PGBD2: variants seen among roughly 807,000 people sequenced by gnomAD.
PGBD2 encodes piggyBac transposable element-derived protein 2.
A neutral mutation model predicts 8.1 loss-of-function variants in PGBD2; 6 were observed. The observed-to-expected ratio is 0.74, with a 90% confidence interval of 0.40 to 1.46. The LOEUF is 1.46. Among genes scored for constraint, PGBD2 ranks in the 40% most tolerant of loss-of-function variants. The probability of loss-of-function intolerance (pLI) is 0.02; values close to 1 mark genes in which losing one functional copy is unlikely to be tolerated. For synonymous variants in PGBD2, 318 were observed against 272.2 expected, an observed-to-expected ratio of 1.17 and a Z score of -1.66; for missense variants, 802 against 739.0, an observed-to-expected ratio of 1.09 and a Z score of -0.99.
the PGBD2 span, among the ~76,000 whole-genome samples, chr1:248,898,338 GT>G: frequency 5.3e-5 from 8 of 152,188 alleles, no homozygotes; most frequent in African/African-American, 1.7e-4. Context: ...CTTGAATCAG[GT>G]CAATGTTCCT....
At chr1:248,904,066 C>CT (rs1201521447), upstream of PGBD2, among the ~76,000 whole-genome samples, 5 of 138,104 alleles carry the variant, frequency 3.6e-5, no homozygotes, top group African/African-American at 1.8e-4. Flanking sequence ...CCATTTTCTT[C>CT]TTTTTATGTT....
At chr1:248,911,752 C>T (rs548725144) in intron 1 of PGBD2, among the ~76,000 whole-genome samples, 2 of 150,438 alleles carry the variant, frequency 1.3e-5, no homozygotes, top group East Asian at 1.9e-4. Context: ...GGGGGGCTGA[C>T]CCCCCCACCT....
In PGBD2 at chr1:248,917,114, A is replaced by G. The variant is rs1466778321; in HGVS notation, c.530A>G (p.Gln177Arg). Residue 177 changes from glutamine to arginine, a missense_variant, in exon 3 of 3, where the codon CAG (glutamine) becomes CGG (arginine). Physicochemically the swap from Gln to Arg is conservative, Grantham distance 43. Coordinates refer to ENST00000329291, the MANE Select transcript of PGBD2 (RefSeq NM_170725.3). ...AATGTCAATTTGAGTCTTACGGCTC[A>G]GGAATTGAAGTGTGTTTTGGGCATT... ...QKNVNLSLTA[Q>R]ELKCVLGILI... 6.2e-7 allele frequency: 1 copy of G among 1,614,000 alleles called. No individual in the cohort carries two copies. The highest frequency in any genetic ancestry group is 1.3e-5 in the African/African-American group (1 of 74,898).
At chr1:248,897,379 TCTTCTTTGTTTGGTGTACTCTCATGG>T in the PGBD2 span, among the ~76,000 whole-genome samples, 1 of 151,874 alleles carries the variant, frequency 6.6e-6, no homozygotes, top group Non-Finnish European at 1.5e-5. Flanking sequence ...AATGACCCTG[TCTTCTTTGTTTGGTGTACTCTCATGG>T]CAAAACTGCT....
chr1:248,903,058 T>C (rs990935622), upstream of PGBD2, among the ~76,000 whole-genome samples: 1 of 152,176 alleles, frequency 6.6e-6, no homozygotes, highest in Non-Finnish European at 1.5e-5. Context: ...AGATGGGATC[T>C]TCCTATATTG....
chr1:248,882,076 G>A, the PGBD2 span, among the ~76,000 whole-genome samples: 3 of 152,136 alleles, frequency 2.0e-5, no homozygotes, highest in African/African-American at 4.8e-5. Context: ...CCAGCAGCCC[G>A]CAATGCAATG....
At chr1:248,913,795 T>A in intron 1 of PGBD2, 21 bp from the exon 2 acceptor site, 1 of 1,303,572 alleles carries the variant, frequency 7.7e-7, no homozygotes, top group Non-Finnish European at 1.1e-6. Flanking sequence ...TTTTTTTAAA[T>A]TGACTTTTCT....
intron 1 of PGBD2, among the ~76,000 whole-genome samples, chr1:248,909,224 G>A (rs867533207): frequency 2.0e-5 from 3 of 152,114 alleles, no homozygotes; most frequent in South Asian, 4.1e-4. Flanking sequence ...CATGTGAGGG[G>A]ATGGAGGGCC....
In PGBD2 at chr1:248,916,786, G is replaced by C; in HGVS notation, c.202G>C (p.Ala68Pro). 6.2e-7 allele frequency: 1 copy of C among 1,614,188 alleles called. No homozygotes were observed. The highest frequency in any genetic ancestry group is 8.5e-7 in the Non-Finnish European group (1 of 1,180,038). ...AGGGGATGAAGACAGCCAGCGAGGT[G>C]CTCACCTACCTGGCAGTGTGCTGCA... ...DSGDEDSQRG[A>P]HLPGSVLHAS... is the part of the protein sequence containing the mutation. The change falls in exon 3 of 3, where the codon GCT becomes CCT. Residue 68 changes from alanine to proline, a missense_variant. By Grantham distance (27) the Ala-to-Pro change is conservative. Coordinates refer to ENST00000329291, the MANE Select transcript of PGBD2 (RefSeq NM_170725.3).
chr1:248,909,763 C>T (rs1316295302), intron 1 of PGBD2, among the ~76,000 whole-genome samples: 2 of 152,132 alleles, frequency 1.3e-5, no homozygotes, highest in Non-Finnish European at 2.9e-5. Flanking sequence ...AGGCAAAAGG[C>T]ACAGCACACA....
chr1:248,921,761 C>T, downstream of PGBD2, among the ~76,000 whole-genome samples: 1 of 152,282 alleles, frequency 6.6e-6, no homozygotes, highest in South Asian at 2.1e-4. Flanking sequence ...TTCTTCCTAT[C>T]CATGAGCATG....
the PGBD2 span, among the ~76,000 whole-genome samples, chr1:248,879,407 T>C: frequency 6.6e-6 from 1 of 152,196 alleles, no homozygotes; most frequent in East Asian, 1.9e-4. Flanking sequence ...TTATTTTTTG[T>C]TTTTTGAGAT....
the PGBD2 span, among the ~76,000 whole-genome samples, chr1:248,879,482 C>A: frequency 2.4e-3 from 358 of 152,314 alleles, 1 homozygote; most frequent in African/African-American, 8.3e-3. Flanking sequence ...GCAGCCTCAA[C>A]CTTCCGGGCT....
chr1:248,913,613 C>T (rs1177742215), intron 1 of PGBD2, among the ~76,000 whole-genome samples: 1 of 152,164 alleles, frequency 6.6e-6, no homozygotes, highest in Non-Finnish European at 1.5e-5. Context: ...CCCCAAATAT[C>T]ATCTACTTTA....
At chr1:248,921,769 A>G (rs1321907470), downstream of PGBD2, among the ~76,000 whole-genome samples, 2 of 152,210 alleles carry the variant, frequency 1.3e-5, 1 homozygote. Context: ...ATCCATGAGC[A>G]TGGAATGTTT....
downstream of PGBD2, chr1:248,919,356 T>G (rs1159243173): frequency 6.0e-6 from 1 of 166,740 alleles, no homozygotes; most frequent in Non-Finnish European, 1.5e-5. Flanking sequence ...TGTCTTTGCT[T>G]GGCTTATTTC....
chr1:248,889,167 A>T, the PGBD2 span, among the ~76,000 whole-genome samples: 1 of 152,172 alleles, frequency 6.6e-6, no homozygotes, highest in African/African-American at 2.4e-5. Context: ...TGGGCAGATC[A>T]TGAGGTCAGG....
downstream of PGBD2, among the ~76,000 whole-genome samples, chr1:248,922,349 G>A (rs778881032): frequency 2.6e-5 from 4 of 152,088 alleles, no homozygotes; most frequent in East Asian, 1.9e-4. Flanking sequence ...GTGAGCCACC[G>A]TGCCCAGCTG....
chr1:248,890,735 C>T, the PGBD2 span, among the ~76,000 whole-genome samples: 1 of 150,026 alleles, frequency 6.7e-6, no homozygotes, highest in Non-Finnish European at 1.5e-5. Flanking sequence ...CGCTACAGAC[C>T]ACCCACACTA....
Sources: allele counts gnomAD v4.1 joint callset (sites outside exome capture counted in the v4.1 genomes callset), GRCh38; gene constraint gnomAD v4.1.1; transcripts MANE v1.5; gene names NCBI Gene and HGNC (gene_info 2026-07-23, HGNC 2026-07-21).